The following ST18 variants were observed in gnomAD, a reference collection of about 807,000 sequenced individuals.
ST18 encodes suppression of tumorigenicity 18 protein.
A neutral mutation model predicts 110.0 loss-of-function variants in ST18; 50 were observed. That is an observed-to-expected ratio of 0.45 (90% CI 0.36 to 0.58). ST18 has a LOEUF of 0.58. ST18 is among the 20% of genes least tolerant of loss of function. The pLI, the probability that ST18 is intolerant of heterozygous loss-of-function variation, is 0.00. For missense variants in ST18, 1,306 were observed against 1,280.1 expected (o/e 1.02, Z -0.31); for synonymous variants, 461 against 452.4 (o/e 1.02, Z -0.24).
intron 2 of ST18, among the ~76,000 whole-genome samples, chr8:52,272,106 A>C (rs1368319564): frequency 6.6e-6 from 1 of 152,208 alleles, no homozygotes; most frequent in Non-Finnish European, 1.5e-5. Flanking sequence ...AAACTCCTAG[A>C]AGAAAACAAA....
intron 2 of ST18, among the ~76,000 whole-genome samples, chr8:52,329,920 C>T (rs78600209): frequency 2.0e-5 from 3 of 152,244 alleles, no homozygotes; most frequent in East Asian, 3.9e-4. Context: ...GTTTTCGTAG[C>T]TAATAGTGGG....
At chr8:52,259,523 A>G (rs1564354046) in intron 2 of ST18, among the ~76,000 whole-genome samples, 2 of 152,178 alleles carry the variant, frequency 1.3e-5, no homozygotes, top group Non-Finnish European at 2.9e-5. Flanking sequence ...AAAACCATAA[A>G]ATCAAATGAC....
intron 8 of ST18, among the ~76,000 whole-genome samples, chr8:52,184,642 CTG>C (rs891883443): frequency 2.6e-5 from 4 of 152,124 alleles, no homozygotes; most frequent in African/African-American, 4.8e-5. Flanking sequence ...CATTAGGAAA[CTG>C]TGAATCCTCC....
intron 2 of ST18, among the ~76,000 whole-genome samples, chr8:52,304,776 T>A (rs554501562): frequency 1.4e-4 from 21 of 152,298 alleles, no homozygotes; most frequent in African/African-American, 4.1e-4. Context: ...AGCCAACGTC[T>A]GGGAAGGGCC....
At chr8:52,187,678 A>C (rs377533700) in intron 8 of ST18, among the ~76,000 whole-genome samples, 1 of 152,190 alleles carries the variant, frequency 6.6e-6, no homozygotes, top group East Asian at 1.9e-4. Context: ...GGCATTTTTC[A>C]TTTACTAAAT....
At chr8:52,380,369 G>T (rs1436223605) in intron 2 of ST18, among the ~76,000 whole-genome samples, 2 of 151,786 alleles carry the variant, frequency 1.3e-5, no homozygotes, top group South Asian at 2.1e-4. Context: ...TGTGTTAATC[G>T]ATTGTTTATG....
intron 2 of ST18, among the ~76,000 whole-genome samples, chr8:52,396,890 C>A (rs1354451411): frequency 6.6e-6 from 1 of 152,188 alleles, no homozygotes; most frequent in African/African-American, 2.4e-5. Context: ...CATCAATGAA[C>A]ACTTACGTTG....
At chr8:52,235,937 A>G (rs1320055787) in intron 2 of ST18, among the ~76,000 whole-genome samples, 2 of 152,202 alleles carry the variant, frequency 1.3e-5, no homozygotes, top group African/African-American at 4.8e-5. Context: ...AAAATACTAA[A>G]CTAAACTGGG....
At chr8:52,291,156 A>T (rs2095550235) in intron 2 of ST18, among the ~76,000 whole-genome samples, 1 of 152,234 alleles carries the variant, frequency 6.6e-6, no homozygotes, top group Non-Finnish European at 1.5e-5. Flanking sequence ...AAGAACAAAG[A>T]TTCCATCAGT....
chr8:52,162,256 G>C (rs888141659), intron 13 of ST18, among the ~76,000 whole-genome samples: 1 of 152,122 alleles, frequency 6.6e-6, no homozygotes, highest in Non-Finnish European at 1.5e-5. Flanking sequence ...TACTGGTTAA[G>C]GTGCTGACAA....
chr8:52,203,727 G>C (rs770384343), intron 8 of ST18, among the ~76,000 whole-genome samples: 7 of 152,206 alleles, frequency 4.6e-5, no homozygotes, highest in Admixed American at 6.5e-5. Flanking sequence ...GGAGAAAAGA[G>C]ATAGGCAGTC....
chr8:52,336,597 T>C (rs1812195059), intron 2 of ST18, among the ~76,000 whole-genome samples: 1 of 152,206 alleles, frequency 6.6e-6, no homozygotes, highest in Non-Finnish European at 1.5e-5. Context: ...CAGTATTAAC[T>C]GGAGAAGGAG....
At chr8:52,223,357 T>C (rs1016925024) in intron 3 of ST18, among the ~76,000 whole-genome samples, 1 of 152,188 alleles carries the variant, frequency 6.6e-6, no homozygotes, top group African/African-American at 2.4e-5. Context: ...TATTTATGGG[T>C]CCTTGGCCAG....
At chr8:52,370,475 G>A (rs907235126) in intron 2 of ST18, among the ~76,000 whole-genome samples, 1 of 152,086 alleles carries the variant, frequency 6.6e-6, no homozygotes, top group African/African-American at 2.4e-5. Context: ...GAGGGGGGAA[G>A]CTACAACACT....
At chr8:52,362,909 G>A (rs11990359) in intron 2 of ST18, among the ~76,000 whole-genome samples, 16,739 of 152,074 alleles carry the variant, frequency 0.11, 1,457 homozygotes, top group African/African-American at 0.23. Flanking sequence ...GACTAGAGAG[G>A]TGTGTTAAAA....
chr8:52,120,919 G>T (rs187319675), intron 23 of ST18, among the ~76,000 whole-genome samples: 1 of 152,098 alleles, frequency 6.6e-6, no homozygotes, highest in African/African-American at 2.4e-5. Context: ...CTAGAGGTAG[G>T]GGGTGAGAGA....
At chr8:52,399,849 G>T (rs1412852551) in intron 2 of ST18, among the ~76,000 whole-genome samples, 5 of 151,984 alleles carry the variant, frequency 3.3e-5, no homozygotes, top group African/African-American at 1.2e-4. Context: ...CCTGAAGAAT[G>T]TTCTATGTGC....
Position 52,113,357 on chromosome 8 carries a change from C to T in ST18, c.3004-19G>A, listed in dbSNP as rs1383468640. 1 of 1,612,204 alleles carries T rather than the reference C, an allele frequency of 6.2e-7. No individual in the cohort carries two copies. The highest frequency in any genetic ancestry group is 8.5e-7 in the Non-Finnish European group (1 of 1,179,156). On this transcript the variant is annotated intron_variant, in intron 25 of 25. Coordinates refer to ENST00000689386, the MANE Select transcript of ST18 (RefSeq NM_001352837.2). ...TAGGTCCCTAAATGGAGACAAAACA[C>T]ATTGACCCAATCACAGTGGTTCAGG...
At chr8:52,151,625 T>G (rs981380089) in intron 15 of ST18, among the ~76,000 whole-genome samples, 2 of 152,232 alleles carry the variant, frequency 1.3e-5, no homozygotes, top group African/African-American at 4.8e-5. Flanking sequence ...TCTCTCTCCA[T>G]GATCTCACAA....
Sources: allele counts gnomAD v4.1 joint callset (sites outside exome capture counted in the v4.1 genomes callset), GRCh38; gene constraint gnomAD v4.1.1; transcripts MANE v1.5; gene names NCBI Gene and HGNC (gene_info 2026-07-23, HGNC 2026-07-21).